Variants in RANBP2 observed in about 807,000 individuals in gnomAD.
RANBP2 encodes E3 SUMO-protein ligase RanBP2.
A neutral mutation model predicts 303.6 loss-of-function variants in RANBP2; 57 were observed. That is an observed-to-expected ratio of 0.19 (90% CI 0.15 to 0.23). The LOEUF is 0.23. Ranked by LOEUF, RANBP2 falls within the 10% of genes least tolerant of loss-of-function variation. RANBP2 has a pLI of 1.00. For synonymous variants in RANBP2, 1,167 were observed against 1,301.5 expected, an observed-to-expected ratio of 0.90 and a Z score of 2.23; for missense variants, 3,138 against 3,780.8, an observed-to-expected ratio of 0.83 and a Z score of 4.46.
the RANBP2 span, among the ~76,000 whole-genome samples, chr2:109,190,384 G>A: frequency 4.5e-4 from 69 of 152,338 alleles, 1 homozygote; most frequent in African/African-American, 1.5e-3. Context: ...ATGTTGGCCA[G>A]GCTGGTCTCA....
the RANBP2 span, among the ~76,000 whole-genome samples, chr2:109,140,835 T>C: frequency 4.6e-5 from 7 of 152,226 alleles, no homozygotes; most frequent in Non-Finnish European, 1.0e-4. Context: ...GTGCCCCATC[T>C]TAGACTATCA....
the RANBP2 span, among the ~76,000 whole-genome samples, chr2:109,219,576 C>G: frequency 6.6e-6 from 1 of 152,060 alleles, no homozygotes; most frequent in African/African-American, 2.4e-5. Flanking sequence ...TCAGAGTTTT[C>G]AGAGCTAGTA....
At chr2:108,807,827 A>C in the RANBP2 span, among the ~76,000 whole-genome samples, 4 of 152,166 alleles carry the variant, frequency 2.6e-5, no homozygotes, top group Non-Finnish European at 5.9e-5. Context: ...CATGTTGGCC[A>C]GGGTGGTCTC....
the RANBP2 span, among the ~76,000 whole-genome samples, chr2:108,983,058 A>T: frequency 6.6e-6 from 1 of 152,222 alleles, no homozygotes; most frequent in Non-Finnish European, 1.5e-5. Context: ...ACACTCTGCA[A>T]ATCTACCGAT....
the RANBP2 span, chr2:109,546,329 G>A: frequency 1.2e-5 from 9 of 752,964 alleles, no homozygotes; most frequent in Non-Finnish European, 1.9e-5. Context: ...ACCCCATAGC[G>A]CAACACAGAA....
At chr2:109,188,188 C>G in the RANBP2 span, among the ~76,000 whole-genome samples, 3 of 152,262 alleles carry the variant, frequency 2.0e-5, no homozygotes, top group Non-Finnish European at 2.9e-5. Context: ...ACCTTGCTCC[C>G]TGGGCCCGAA....
At chr2:109,187,053 C>T in the RANBP2 span, among the ~76,000 whole-genome samples, 2 of 149,768 alleles carry the variant, frequency 1.3e-5, no homozygotes, top group African/African-American at 2.4e-5. Context: ...GCTGGCCCCA[C>T]CTGTCACGGA....
chr2:109,262,097 G>T, the RANBP2 span, among the ~76,000 whole-genome samples: 1 of 152,170 alleles, frequency 6.6e-6, no homozygotes, highest in Non-Finnish European at 1.5e-5. Context: ...AAGCCCACAG[G>T]TGCCCTCGGC....
chr2:109,272,516 C>T, the RANBP2 span, among the ~76,000 whole-genome samples: 29 of 152,206 alleles, frequency 1.9e-4, no homozygotes, highest in African/African-American at 6.5e-4. Flanking sequence ...GCTGCACTCA[C>T]AGGGGCCGAG....
chr2:108,843,841 G>GTT, the RANBP2 span, among the ~76,000 whole-genome samples: 15 of 81,824 alleles, frequency 1.8e-4, no homozygotes, highest in African/African-American at 7.6e-4. Context: ...TCAAGTTCAT[G>GTT]TTTTGTGTGT....
At chr2:109,621,104 C>T in the RANBP2 span, among the ~76,000 whole-genome samples, 2 of 152,168 alleles carry the variant, frequency 1.3e-5, no homozygotes, top group Non-Finnish European at 2.9e-5. Context: ...TAAAGTTAAC[C>T]AGTGCTTTGC....
At chr2:109,544,145 G>C in the RANBP2 span, 6 of 1,545,836 alleles carry the variant, frequency 3.9e-6, no homozygotes, top group Middle Eastern at 1.2e-3. Context: ...CTTATGTATT[G>C]ACCTTGTACT....
chr2:108,936,843 G>C, the RANBP2 span, among the ~76,000 whole-genome samples: 1 of 152,232 alleles, frequency 6.6e-6, no homozygotes, highest in Non-Finnish European at 1.5e-5. Context: ...GAGGAAAGCA[G>C]AGAAGGTAGC....
chr2:109,766,318 C>T, the RANBP2 span, among the ~76,000 whole-genome samples: 2 of 150,894 alleles, frequency 1.3e-5, no homozygotes, highest in African/African-American at 4.8e-5. Flanking sequence ...GTGTTGCATC[C>T]GCTGTGGAGG....
chr2:109,733,416 G>A, the RANBP2 span, among the ~76,000 whole-genome samples: 1 of 149,994 alleles, frequency 6.7e-6, no homozygotes, highest in Non-Finnish European at 1.5e-5. Flanking sequence ...GGAACAGAGG[G>A]AAAATTTCTC....
the RANBP2 span, among the ~76,000 whole-genome samples, chr2:108,864,598 G>C: frequency 0.9 from 137,319 of 152,162 alleles, 62,028 homozygotes; most frequent in East Asian, 1. Context: ...GAGATCGAGA[G>C]CAGCCTGGCT....
At chr2:109,139,147 C>A in the RANBP2 span, among the ~76,000 whole-genome samples, 1 of 152,112 alleles carries the variant, frequency 6.6e-6, no homozygotes, top group Admixed American at 6.5e-5. Flanking sequence ...TAATCATATC[C>A]CAAATCTGCG....
At chr2:109,588,731 T>C in the RANBP2 span, among the ~76,000 whole-genome samples, 1 of 151,612 alleles carries the variant, frequency 6.6e-6, no homozygotes. Context: ...CCTCAGGTGA[T>C]CCACTTGCCT....
chr2:109,102,911 T>C, the RANBP2 span, among the ~76,000 whole-genome samples: 3 of 152,082 alleles, frequency 2.0e-5, no homozygotes, highest in Middle Eastern at 3.2e-3. Flanking sequence ...CTTTGGGAAG[T>C]GGGGTGCTGC....
Sources: gnomAD v4.1 joint callset for allele counts (sites outside exome capture counted in the v4.1 genomes callset) on GRCh38, gnomAD v4.1.1 for gene constraint, MANE v1.5 for transcripts, NCBI Gene and HGNC (gene_info 2026-07-23, HGNC 2026-07-21) for gene names.